Variants in MARCHF1 observed in about 807,000 individuals in gnomAD.
The protein encoded by MARCHF1 is E3 ubiquitin-protein ligase MARCHF1.
A neutral mutation model predicts 54.2 loss-of-function variants in MARCHF1; 40 were observed. The ratio of observed to expected loss-of-function variants is 0.74; its 90% CI spans 0.57 to 0.96. The LOEUF is 0.96. MARCHF1 is among the 40% of genes least tolerant of loss of function. MARCHF1 has a pLI of 0.00. For synonymous variants in MARCHF1, 236 were observed against 236.3 expected (o/e 1.00, Z 0.01); for missense variants, 586 against 656.5 (o/e 0.89, Z 1.17).
At chr4:164,062,712 C>T (rs558491227) in intron 2 of MARCHF1, among the ~76,000 whole-genome samples, 16 of 151,966 alleles carry the variant, frequency 1.1e-4, no homozygotes, top group African/African-American at 1.5e-4. Flanking sequence ...TTAGTAGAGA[C>T]GGGGTTTCAC....
At chr4:163,730,486 C>T (rs1745793388) in intron 4 of MARCHF1, among the ~76,000 whole-genome samples, 1 of 152,028 alleles carries the variant, frequency 6.6e-6, no homozygotes, top group African/African-American at 2.4e-5. Flanking sequence ...GAAAAGCGGA[C>T]ATGTGAATGT....
At chr4:164,241,676 CG>C (rs1732757714) in intron 1 of MARCHF1, among the ~76,000 whole-genome samples, 1 of 152,162 alleles carries the variant, frequency 6.6e-6, no homozygotes, top group Non-Finnish European at 1.5e-5. Context: ...GCGTGAGCTA[CG>C]CAGAAGACGG....
intron 5 of MARCHF1, among the ~76,000 whole-genome samples, chr4:163,621,513 C>T (rs935701428): frequency 4.6e-5 from 7 of 152,058 alleles, no homozygotes; most frequent in Non-Finnish European, 8.8e-5. Context: ...TCTGAGATTT[C>T]AGTGAGAGAA....
intron 4 of MARCHF1, among the ~76,000 whole-genome samples, chr4:163,840,016 A>G (rs1749294731): frequency 6.6e-6 from 1 of 152,174 alleles, no homozygotes; most frequent in Non-Finnish European, 1.5e-5. Flanking sequence ...TCAATATTTG[A>G]ACATAAAAGA....
chr4:163,592,975 G>A (rs1740641134), intron 7 of MARCHF1, among the ~76,000 whole-genome samples: 1 of 151,988 alleles, frequency 6.6e-6, no homozygotes, highest in Non-Finnish European at 1.5e-5. Flanking sequence ...TCCAAATCAG[G>A]AGAAATCAAA....
chr4:163,539,797 A>G (rs1738666258), intron 9 of MARCHF1, among the ~76,000 whole-genome samples: 1 of 152,266 alleles, frequency 6.6e-6, no homozygotes, highest in Non-Finnish European at 1.5e-5. Flanking sequence ...AGTAGCAATT[A>G]TGTATATTGT....
At chr4:163,618,272 T>G (rs61160533) in intron 5 of MARCHF1, among the ~76,000 whole-genome samples, 2,508 of 152,216 alleles carry the variant, frequency 0.016, 56 homozygotes, top group African/African-American at 0.055. Context: ...GCCTATCTGT[T>G]TCTCTGCCCC....
intron 1 of MARCHF1, among the ~76,000 whole-genome samples, chr4:164,265,350 A>G (rs1037991692): frequency 3.3e-5 from 5 of 152,190 alleles, no homozygotes; most frequent in Non-Finnish European, 5.9e-5. Context: ...AATTTATAAA[A>G]TACTGAGATT....
intron 4 of MARCHF1, among the ~76,000 whole-genome samples, chr4:163,834,216 G>C (rs924785821): frequency 1.3e-5 from 2 of 151,464 alleles, no homozygotes; most frequent in African/African-American, 2.4e-5. Flanking sequence ...TTGTTTTGTG[G>C]TACTTTGAAG....
chr4:164,195,259 GT>G (rs1731224470), intron 1 of MARCHF1, among the ~76,000 whole-genome samples: 1 of 151,670 alleles, frequency 6.6e-6, no homozygotes, highest in African/African-American at 2.4e-5. Context: ...GCACTCATAT[GT>G]TTACCAAATA....
chr4:163,732,953 A>T (rs999857310), intron 4 of MARCHF1, among the ~76,000 whole-genome samples: 5 of 151,514 alleles, frequency 3.3e-5, no homozygotes, highest in African/African-American at 1.2e-4. Context: ...GGAGTTCAAG[A>T]CCAGCCTGGC....
At chr4:164,351,033 C>A (rs1252965027) in intron 1 of MARCHF1, among the ~76,000 whole-genome samples, 2 of 152,080 alleles carry the variant, frequency 1.3e-5, no homozygotes, top group African/African-American at 4.8e-5. Flanking sequence ...TTACTCCCAC[C>A]CGAATACTGC....
At chr4:164,309,995 T>A (rs1452590029) in intron 1 of MARCHF1, among the ~76,000 whole-genome samples, 2 of 152,004 alleles carry the variant, frequency 1.3e-5, no homozygotes, top group African/African-American at 4.8e-5. Flanking sequence ...TTTTTTTTAA[T>A]TAAAAAAAAA....
chr4:163,734,799 C>T (rs540706411), intron 4 of MARCHF1, among the ~76,000 whole-genome samples: 30 of 152,008 alleles, frequency 2.0e-4, no homozygotes, highest in Non-Finnish European at 2.4e-4. Context: ...TAAAATGTAT[C>T]GTATTATACA....
intron 4 of MARCHF1, among the ~76,000 whole-genome samples, chr4:163,754,923 G>A (rs1307722892): frequency 6.6e-6 from 1 of 152,130 alleles, no homozygotes; most frequent in African/African-American, 2.4e-5. Context: ...AAAGGAGACG[G>A]CAAAGATTCA....
At chr4:163,832,218 T>C (rs1001131855) in intron 4 of MARCHF1, among the ~76,000 whole-genome samples, 5 of 152,208 alleles carry the variant, frequency 3.3e-5, no homozygotes, top group African/African-American at 1.2e-4. Flanking sequence ...TGATGCCCTC[T>C]ATGGAGATAT....
chr4:164,274,877 C>T (rs1246438447), intron 1 of MARCHF1, among the ~76,000 whole-genome samples: 6 of 150,456 alleles, frequency 4.0e-5, no homozygotes, highest in African/African-American at 1.5e-4. Flanking sequence ...GGGGTTTCAC[C>T]GTGTTAGCCA....
At chr4:164,056,912 C>T (rs1754502974) in intron 2 of MARCHF1, among the ~76,000 whole-genome samples, 1 of 152,134 alleles carries the variant, frequency 6.6e-6, no homozygotes, top group African/African-American at 2.4e-5. Flanking sequence ...CGCTCTCACA[C>T]TGACCCAGCA....
chr4:164,370,293 C>T (rs554929076), intron 1 of MARCHF1, among the ~76,000 whole-genome samples: 1 of 152,322 alleles, frequency 6.6e-6, no homozygotes, highest in East Asian at 1.9e-4. Context: ...CTACTACAAC[C>T]ACCACAACCT....
Sources: gnomAD v4.1 joint callset for allele counts (sites outside exome capture counted in the v4.1 genomes callset) on GRCh38, gnomAD v4.1.1 for gene constraint, MANE v1.5 for transcripts, NCBI Gene and HGNC (gene_info 2026-07-23, HGNC 2026-07-21) for gene names.